NR5A2: variants seen among roughly 807,000 people sequenced by gnomAD.
NR5A2 encodes CYP7A promoter-binding factor.
NR5A2 carries 26 observed loss-of-function variants against 62.7 expected under a neutral mutation model. The ratio of observed to expected loss-of-function variants is 0.41; its 90% CI spans 0.30 to 0.58. NR5A2 has a LOEUF of 0.58. Among genes scored for constraint, NR5A2 ranks in the 20% least tolerant of loss-of-function variants. The probability of loss-of-function intolerance (pLI) is 0.22; values close to 1 mark genes in which losing one functional copy is unlikely to be tolerated. For missense variants in NR5A2, 541 were observed against 669.1 expected (o/e 0.81, Z 2.11); for synonymous variants, 246 against 241.7 (o/e 1.02, Z -0.16).
chr1:200,143,030 A>G (rs950033335), intron 7 of NR5A2, among the ~76,000 whole-genome samples: 7 of 151,404 alleles, frequency 4.6e-5, no homozygotes, highest in Admixed American at 2.6e-4. Flanking sequence ...TGCTGTATGT[A>G]AAAAGTGTGT....
intron 1 of NR5A2, among the ~76,000 whole-genome samples, chr1:200,034,298 T>G (rs1661666398): frequency 6.6e-6 from 1 of 152,066 alleles, no homozygotes; most frequent in Non-Finnish European, 1.5e-5. Context: ...TGGAACTGGC[T>G]CAAATTTCCA....
At chr1:200,067,912 G>C (rs138191291) in intron 5 of NR5A2, among the ~76,000 whole-genome samples, 2 of 152,302 alleles carry the variant, frequency 1.3e-5, no homozygotes, top group East Asian at 3.9e-4. Context: ...TGATTCTGAG[G>C]TTGGCTCTGA....
intron 7 of NR5A2, among the ~76,000 whole-genome samples, chr1:200,144,223 T>A (rs375425219): frequency 0.075 from 2,293 of 30,696 alleles, 19 homozygotes; most frequent in South Asian, 0.12. Flanking sequence ...TTTCTCTCTC[T>A]CTCTCTCTCT....
chr1:200,096,639 T>G (rs1301287116), intron 5 of NR5A2, among the ~76,000 whole-genome samples: 1 of 152,160 alleles, frequency 6.6e-6, no homozygotes, highest in African/African-American at 2.4e-5. Flanking sequence ...ACCAACTCAG[T>G]CACTCTGTAG....
At chr1:200,074,812 G>T (rs1452121179) in intron 5 of NR5A2, among the ~76,000 whole-genome samples, 26 of 142,594 alleles carry the variant, frequency 1.8e-4, no homozygotes, top group South Asian at 4.5e-4. Context: ...AATCACTATG[G>T]ACTGGAATTA....
intron 6 of NR5A2, 62 bp downstream of exon 6, chr1:200,111,383 C>A: frequency 6.5e-7 from 1 of 1,540,738 alleles, no homozygotes; most frequent in Non-Finnish European, 8.7e-7. Flanking sequence ...TCAGAATGGC[C>A]GGAATTTAAC....
intron 1 of NR5A2, among the ~76,000 whole-genome samples, chr1:200,030,584 A>G (rs891485474): frequency 6.6e-6 from 1 of 152,202 alleles, no homozygotes; most frequent in Non-Finnish European, 1.5e-5. Flanking sequence ...ATTGAATAAT[A>G]TGCAGTACTA....
At chr1:200,133,497 C>G (rs1455697218) in intron 7 of NR5A2, among the ~76,000 whole-genome samples, 1 of 138,172 alleles carries the variant, frequency 7.2e-6, no homozygotes, top group African/African-American at 2.8e-5. Flanking sequence ...GTTTTGGTCA[C>G]TGATGGACTA....
In NR5A2 at chr1:200,176,746, T is replaced by A. The variant is rs889046379; in HGVS notation, c.*2536T>A. On this transcript the variant is annotated 3_prime_UTR_variant, in exon 8 of 8. Transcript: ENST00000367362. ...TTGAACTCCTGGGCTCAAGCATTCC[T>A]CCTGCCTCAGCCTCCCCCATAGCTG... The A allele has an allele frequency of 1.3e-5, 2 of 152,218 alleles. No individual in the cohort carries two copies. The highest frequency in any genetic ancestry group is 2.4e-5 in the African/African-American group (1 of 41,450). 9.4% of individuals were successfully genotyped at this position (152,218 alleles called of 1,614,324 possible).
At chr1:200,145,803 G>A (rs1233474018) in intron 7 of NR5A2, among the ~76,000 whole-genome samples, 1 of 152,028 alleles carries the variant, frequency 6.6e-6, no homozygotes, top group Non-Finnish European at 1.5e-5. Context: ...TCATGTTGCA[G>A]GTTTCTAGGT....
intron 5 of NR5A2, among the ~76,000 whole-genome samples, chr1:200,099,679 T>A (rs2102270770): frequency 6.6e-6 from 1 of 152,268 alleles, no homozygotes; most frequent in South Asian, 2.1e-4. Flanking sequence ...CTGCAACCTC[T>A]GCCTCCCAGG....
At chr1:200,053,994 G>A (rs913746427) in intron 5 of NR5A2, 8 of 152,218 alleles carry the variant, frequency 5.3e-5, no homozygotes, top group Non-Finnish European at 1.2e-4. Context: ...TCTACTAGAA[G>A]CTGGGCATGT....
intron 5 of NR5A2, among the ~76,000 whole-genome samples, chr1:200,084,065 T>G (rs1261510325): frequency 6.6e-6 from 1 of 151,742 alleles, no homozygotes; most frequent in African/African-American, 2.4e-5. Context: ...CTTCTTTCAT[T>G]CAGTAAATAC....
intron 7 of NR5A2, among the ~76,000 whole-genome samples, chr1:200,150,769 C>T (rs181335173): frequency 2.3e-4 from 35 of 152,250 alleles, no homozygotes; most frequent in Admixed American, 1.9e-3. Flanking sequence ...TTCCTAATGC[C>T]CCAGGCATTT....
intron 7 of NR5A2, among the ~76,000 whole-genome samples, chr1:200,159,753 GTGA>G (rs1280437620): frequency 6.6e-6 from 1 of 151,998 alleles, no homozygotes; most frequent in African/African-American, 2.4e-5. Flanking sequence ...CCAGGTTTAA[GTGA>G]TTCTCATGCC....
intron 7 of NR5A2, among the ~76,000 whole-genome samples, chr1:200,127,183 C>A (rs1666740547): frequency 6.6e-6 from 1 of 152,148 alleles, no homozygotes; most frequent in African/African-American, 2.4e-5. Flanking sequence ...ACAGTCAGTA[C>A]TTTTTCTGAT....
In NR5A2 at chr1:200,039,516, C is replaced by G. The variant is rs770565257; in HGVS notation, c.65-142C>G. 364 of 1,164,028 alleles carry G rather than the reference C, an allele frequency of 3.1e-4. 2 individuals are homozygous for G. In the Middle Eastern group the frequency reaches 9.4e-3, roughly 30 times the overall value. The allele number at this position is 1,164,028 out of a possible 1,614,324, so 72.1% of individuals were successfully genotyped here. A position where few individuals can be genotyped will look rare whatever the true frequency, so the allele number is the denominator to read the frequency against. ...GGGGGCGGCTCCGGAGCTGCGAGACCGGACAGGGCTCAGAGGTCCTGCCCG... is the reference window on the plus strand; with the variant it reads ...GGGGGCGGCTCCGGAGCTGCGAGACGGGACAGGGCTCAGAGGTCCTGCCCG... On this transcript the variant is annotated intron_variant, in intron 1 of 7. Coordinates refer to ENST00000367362, the MANE Select transcript of NR5A2 (RefSeq NM_205860.3). The surrounding 1 kb of genome is among the most constrained non-coding windows in gnomAD (Gnocchi z 5.1).
In NR5A2 at chr1:200,120,860, T is replaced by C. The variant is rs1386938053; in HGVS notation, c.1283T>C (p.Met428Thr). 6.2e-7 allele frequency: 1 copy of C among 1,604,518 alleles called. No homozygotes were observed. The highest frequency in any genetic ancestry group is 2.2e-5 in the East Asian group (1 of 44,550). ...GCCGGAGCCACCCTCAACAACCTCA[T>C]GAGTCATGCACAGGAGTTAGTGGCA... ...SQAGATLNNL[M>T]SHAQELVAKL... The change falls in exon 7 of 8, where the codon ATG (methionine) becomes ACG (threonine). Residue 428 changes from methionine to threonine, a missense_variant. By Grantham distance (81) the Met-to-Thr change is moderately conservative. Around this residue, in one of 3 missense-constraint regions of NR5A2, gnomAD observed 379 missense variants for 442.0 expected, o/e 0.86. Transcript: ENST00000367362.
intron 7 of NR5A2, among the ~76,000 whole-genome samples, chr1:200,155,893 C>T (rs749708281): frequency 7.2e-5 from 11 of 152,030 alleles, no homozygotes; most frequent in Non-Finnish European, 1.3e-4. Flanking sequence ...AGGCTGGTCT[C>T]GAACTCCTGA....
Sources: allele counts gnomAD v4.1 joint callset (sites outside exome capture counted in the v4.1 genomes callset), GRCh38; gene constraint gnomAD v4.1.1; regional missense constraint gnomAD v4.1.1; non-coding constraint Gnocchi (gnomAD v3.1); transcripts MANE v1.5; gene names NCBI Gene and HGNC (gene_info 2026-07-23, HGNC 2026-07-21).